Variants in CYTH3 observed in about 807,000 individuals in gnomAD.
The protein encoded by CYTH3 is cytohesin 3.
In CYTH3, 23 loss-of-function variants were observed where a neutral mutation model predicts 55.1. That is an observed-to-expected ratio of 0.42 (90% CI 0.30 to 0.59). CYTH3 has a LOEUF of 0.59. Ranked by LOEUF, CYTH3 falls within the 20% of genes least tolerant of loss-of-function variation. The pLI is 0.20. For missense variants in CYTH3, 413 were observed against 524.8 expected (o/e 0.79, Z 2.08); for synonymous variants, 249 against 194.9 (o/e 1.28, Z -2.31).
intron 5 of CYTH3, among the ~76,000 whole-genome samples, chr7:6,176,494 C>G (rs746966317): frequency 2.6e-5 from 4 of 152,038 alleles, no homozygotes; most frequent in Non-Finnish European, 4.4e-5. Context: ...ATCTCCTGAC[C>G]TTGTGATCTG....
At chr7:6,210,088 A>G (rs1192997950) in intron 1 of CYTH3, among the ~76,000 whole-genome samples, 1 of 152,202 alleles carries the variant, frequency 6.6e-6, no homozygotes, top group Admixed American at 6.5e-5. Context: ...AGGAAATGCT[A>G]TTGTAAACCA....
chr7:6,164,641 A>T lies in CYTH3; in HGVS notation c.*303T>A. 7.1e-6 allele frequency: 3 copies of T among 425,488 alleles called. No individual in the cohort carries two copies. The highest frequency in any genetic ancestry group is 4.6e-5 in the East Asian group (1 of 21,744). 26.4% of individuals were successfully genotyped at this position (425,488 alleles called of 1,614,324 possible). ...CCCCTAGGGGCGCCGGGATGGTCGC[A>T]GGAAGGAAATGCTTCTGGACATGCG... On this transcript the variant is annotated 3_prime_UTR_variant, in exon 13 of 13. Coordinates refer to ENST00000350796, the MANE Select transcript of CYTH3 (RefSeq NM_004227.4).
chr7:6,178,425 T>C (rs74602419), intron 4 of CYTH3, among the ~76,000 whole-genome samples: 1,991 of 152,310 alleles, frequency 0.013, 25 homozygotes, highest in Middle Eastern at 0.037. Context: ...CCTTTGGCAC[T>C]AGAAATGACC....
At chr7:6,236,101 C>T (rs144489980) in intron 1 of CYTH3, among the ~76,000 whole-genome samples, 3 of 152,176 alleles carry the variant, frequency 2.0e-5, no homozygotes, top group African/African-American at 4.8e-5. Context: ...GGATTACATC[C>T]GAAAGGATGA....
intron 1 of CYTH3, among the ~76,000 whole-genome samples, chr7:6,268,249 C>A (rs528702450): frequency 7.2e-5 from 11 of 152,304 alleles, no homozygotes; most frequent in African/African-American, 2.6e-4. Flanking sequence ...CTCACCGCAA[C>A]CTGCACCTCC....
chr7:6,168,909 C>T (rs1489763772), intron 9 of CYTH3, among the ~76,000 whole-genome samples: 2 of 152,204 alleles, frequency 1.3e-5, no homozygotes, highest in African/African-American at 2.4e-5. Flanking sequence ...TCTAATCAAA[C>T]GAACATCCCA....
chr7:6,205,875 TAAAAAAA>T (rs370194149), intron 1 of CYTH3, among the ~76,000 whole-genome samples: 372 of 28,040 alleles, frequency 0.013, 3 homozygotes, highest in South Asian at 0.038. Flanking sequence ...TCCTATCTCT[TAAAAAAA>T]AAAAAAAAAA....
chr7:6,222,461 A>C (rs1784573922), intron 1 of CYTH3, among the ~76,000 whole-genome samples: 1 of 152,150 alleles, frequency 6.6e-6, no homozygotes, highest in African/African-American at 2.4e-5. Flanking sequence ...CTGAGTCTTA[A>C]AACTGAATCA....
chr7:6,212,151 T>G (rs1784333296), intron 1 of CYTH3, among the ~76,000 whole-genome samples: 1 of 152,150 alleles, frequency 6.6e-6, no homozygotes, highest in African/African-American at 2.4e-5. Context: ...CCATTTTTTT[T>G]GAAGCAAGGT....
chr7:6,253,334 C>T (rs1411239516), intron 1 of CYTH3, among the ~76,000 whole-genome samples: 1 of 151,494 alleles, frequency 6.6e-6, no homozygotes, highest in African/African-American at 2.4e-5. Flanking sequence ...TCTCGTGCCT[C>T]AGCTTGAGAT....
chr7:6,179,669 A>C (rs1783432822), intron 4 of CYTH3, among the ~76,000 whole-genome samples: 1 of 79,506 alleles, frequency 1.3e-5, no homozygotes, highest in African/African-American at 6.3e-5. Flanking sequence ...CACACCCCAC[A>C]CACACACCAC....
Position 6,165,080 on chromosome 7 carries a change from C to T in CYTH3, c.1128-64G>A, listed in dbSNP as rs1054168842. 10 of 1,606,370 alleles carry T rather than the reference C, an allele frequency of 6.2e-6. No individual in the cohort carries two copies. The East Asian group carries it at 6.7e-5, about 11-fold the overall frequency. On this transcript the variant is annotated intron_variant, in intron 12 of 12. Transcript: ENST00000350796. ...TGACACACAGACCTCCCCTTTCCCA[C>T]CAGCCCCAGAGGCCCCTCAGACAGG...
chr7:6,270,231 T>C (rs1039303680), intron 1 of CYTH3, among the ~76,000 whole-genome samples: 2 of 152,240 alleles, frequency 1.3e-5, no homozygotes, highest in Non-Finnish European at 2.9e-5. Flanking sequence ...TTCAAAACTT[T>C]GCTTTTCACC....
rs539038424 is a variant in CYTH3, at chr7:6,203,757, C to T, written c.35-13226G>A. ...TTTTGGAGACAGAGTCTCGCTCTGTCGCCCAGGCTGGAATGCAATGGCCCA... is the reference window on the plus strand; with the variant it reads ...TTTTGGAGACAGAGTCTCGCTCTGTTGCCCAGGCTGGAATGCAATGGCCCA... On this transcript the variant is annotated intron_variant, in intron 1 of 12. Transcript: ENST00000350796. Among the ~76,000 whole-genome samples the T allele has an allele frequency of 1.7e-3, 262 of 151,464 alleles. 1 individual carries two copies. The highest frequency in any genetic ancestry group is 6.1e-3 in the African/African-American group (252 of 41,262).
chr7:6,201,508 C>T (rs553984018), intron 1 of CYTH3, among the ~76,000 whole-genome samples: 1 of 152,268 alleles, frequency 6.6e-6, no homozygotes, highest in South Asian at 2.1e-4. Flanking sequence ...TGGAGTTGGC[C>T]ACTGGTGCAC....
chr7:6,254,878 T>C (rs1428073272), intron 1 of CYTH3, among the ~76,000 whole-genome samples: 3 of 152,244 alleles, frequency 2.0e-5, no homozygotes, highest in African/African-American at 4.8e-5. Flanking sequence ...GGATTCATCG[T>C]ACCATTCCTT....
chr7:6,212,143 AT>A lies in CYTH3; in HGVS notation c.35-21613del, dbSNP rs942403144. 8.6e-5 allele frequency among the ~76,000 whole-genome samples: 13 copies of A among 151,656 alleles called. 1 individual carries two copies. The highest frequency in any genetic ancestry group is 2.7e-4 in the African/African-American group (11 of 41,288). On this transcript the variant is annotated intron_variant, in intron 1 of 12. Coordinates refer to ENST00000350796, the MANE Select transcript of CYTH3 (RefSeq NM_004227.4). ...TATCTCCATGAGTTCAATTTCAACCATTTTTTTTGAAGCAAGGTCTCCCGAT... is the reference window on the plus strand; with the variant it reads ...TATCTCCATGAGTTCAATTTCAACCATTTTTTTGAAGCAAGGTCTCCCGAT...
chr7:6,245,518 G>A (rs1287844237), intron 1 of CYTH3, among the ~76,000 whole-genome samples: 1 of 152,180 alleles, frequency 6.6e-6, no homozygotes, highest in African/African-American at 2.4e-5. Context: ...TCCAGCGGGA[G>A]CAGGCTTCTT....
chr7:6,271,115 G>A (rs990183008), intron 1 of CYTH3, among the ~76,000 whole-genome samples: 2 of 152,086 alleles, frequency 1.3e-5, no homozygotes, highest in Non-Finnish European at 2.9e-5. Context: ...CAGCCTGACT[G>A]TAGGAGGGTT....
Sources: gnomAD v4.1 joint callset for allele counts (sites outside exome capture counted in the v4.1 genomes callset) on GRCh38, gnomAD v4.1.1 for gene constraint, MANE v1.5 for transcripts, NCBI Gene and HGNC (gene_info 2026-07-23, HGNC 2026-07-21) for gene names.